PKIG: variants seen among roughly 807,000 people sequenced by gnomAD.
The protein encoded by PKIG is protein kinase (cAMP-dependent, catalytic) inhibitor gamma.
Under a neutral mutation model 6.8 loss-of-function variants are expected in PKIG, and 1 was observed. That is an observed-to-expected ratio of 0.15 (90% confidence interval 0.05 to 0.69). PKIG has a LOEUF of 0.69. PKIG is among the 30% of genes least tolerant of loss of function. PKIG has a pLI of 0.82. For missense variants in PKIG, 77 were observed against 104.0 expected (o/e 0.74, Z 1.13); for synonymous variants, 39 against 43.0 (o/e 0.91, Z 0.36).
intron 1 of PKIG, among the ~76,000 whole-genome samples, chr20:44,566,354 G>T (rs547508605): frequency 1.3e-5 from 2 of 152,074 alleles, no homozygotes; most frequent in South Asian, 2.1e-4. Context: ...TTTACTAGCC[G>T]CTGTTGTAAT....
At chr20:44,611,052 C>CTTTT (rs537375490) in intron 2 of PKIG, among the ~76,000 whole-genome samples, 2 of 132,882 alleles carry the variant, frequency 1.5e-5, no homozygotes, top group Non-Finnish European at 3.2e-5. Context: ...TATAGAATGC[C>CTTTT]TTTTTTTTTT....
intron 2 of PKIG, among the ~76,000 whole-genome samples, chr20:44,602,573 C>T (rs997169247): frequency 6.6e-6 from 1 of 151,916 alleles, no homozygotes; most frequent in Non-Finnish European, 1.5e-5. Flanking sequence ...TGGCTCATGC[C>T]TGTAATCCCA....
intron 1 of PKIG, among the ~76,000 whole-genome samples, chr20:44,574,382 G>A (rs748023213): frequency 6.6e-6 from 1 of 151,830 alleles, no homozygotes; most frequent in Non-Finnish European, 1.5e-5. Context: ...TTTGAAACAT[G>A]TACAAAACTA....
chr20:44,567,942 T>C (rs1430125946), intron 1 of PKIG, among the ~76,000 whole-genome samples: 2 of 152,170 alleles, frequency 1.3e-5, no homozygotes, highest in African/African-American at 2.4e-5. Flanking sequence ...GCCCAGGTGT[T>C]TGAGATCAGC....
intron 1 of PKIG, among the ~76,000 whole-genome samples, chr20:44,540,461 T>C (rs1024697079): frequency 6.6e-6 from 1 of 152,232 alleles, no homozygotes; most frequent in African/African-American, 2.4e-5. Flanking sequence ...TTAATTACGT[T>C]ATCCCAATGA....
At chr20:44,541,333 G>T (rs554058366) in intron 1 of PKIG, among the ~76,000 whole-genome samples, 1 of 152,222 alleles carries the variant, frequency 6.6e-6, no homozygotes, top group Non-Finnish European at 1.5e-5. Flanking sequence ...TGTCACCCAG[G>T]CTGGAGTTAC....
chr20:44,591,603 G>A (rs569506252), intron 2 of PKIG, among the ~76,000 whole-genome samples: 2 of 148,288 alleles, frequency 1.3e-5, no homozygotes, highest in East Asian at 4.0e-4. Context: ...AAAAGAGGAA[G>A]TGGTGCTGGG....
At chr20:44,536,099 G>A (rs960367560) in intron 1 of PKIG, among the ~76,000 whole-genome samples, 1 of 152,200 alleles carries the variant, frequency 6.6e-6, no homozygotes, top group African/African-American at 2.4e-5. Context: ...CACTAGCATA[G>A]TGTCCTCAAG....
At chr20:44,576,364 TAAG>T (rs1359047169) in intron 1 of PKIG, among the ~76,000 whole-genome samples, 2 of 152,058 alleles carry the variant, frequency 1.3e-5, no homozygotes, top group Non-Finnish European at 2.9e-5. Flanking sequence ...TTAAGGGTTA[TAAG>T]AAGAGACATA....
chr20:44,537,613 T>C (rs1304558956), intron 1 of PKIG, among the ~76,000 whole-genome samples: 6 of 151,848 alleles, frequency 4.0e-5, no homozygotes, highest in Non-Finnish European at 7.4e-5. Flanking sequence ...AGTCTCACTC[T>C]GTCCCTCAGG....
At chr20:44,553,675 TA>T (rs1477229239) in intron 1 of PKIG, among the ~76,000 whole-genome samples, 2 of 152,180 alleles carry the variant, frequency 1.3e-5, no homozygotes, top group Non-Finnish European at 2.9e-5. Flanking sequence ...AATAAAAACA[TA>T]GTGCCTGCTG....
intron 2 of PKIG, among the ~76,000 whole-genome samples, chr20:44,606,944 C>G (rs1431440551): frequency 6.6e-6 from 1 of 152,254 alleles, no homozygotes; most frequent in Non-Finnish European, 1.5e-5. Flanking sequence ...GCGCCTTGAT[C>G]TTGGACTTCC....
intron 2 of PKIG, among the ~76,000 whole-genome samples, chr20:44,607,378 T>TATA (rs1491536225): frequency 8.7e-4 from 78 of 89,926 alleles, no homozygotes; most frequent in Middle Eastern, 5.1e-3. Flanking sequence ...TATATATATA[T>TATA]TTTTTTTTTT....
At chr20:44,577,481 C>T (rs1413544603) in intron 1 of PKIG, among the ~76,000 whole-genome samples, 1 of 152,188 alleles carries the variant, frequency 6.6e-6, no homozygotes, top group African/African-American at 2.4e-5. Flanking sequence ...TGGGGCCTTA[C>T]ACCAGGATTG....
intron 1 of PKIG, among the ~76,000 whole-genome samples, chr20:44,553,407 G>A (rs1024232803): frequency 6.6e-6 from 1 of 152,072 alleles, no homozygotes; most frequent in Non-Finnish European, 1.5e-5. Flanking sequence ...CTTTGAAAAT[G>A]GTTGCCTTAA....
upstream of PKIG, among the ~76,000 whole-genome samples, chr20:44,578,521 T>G (rs1317295772): frequency 6.6e-6 from 1 of 151,984 alleles, no homozygotes; most frequent in Non-Finnish European, 1.5e-5. Flanking sequence ...TGCCTGGCCC[T>G]GGTTGTTTAA....
intron 1 of PKIG, among the ~76,000 whole-genome samples, chr20:44,538,012 C>T (rs1373277097): frequency 1.3e-5 from 2 of 152,062 alleles, no homozygotes; most frequent in Admixed American, 6.6e-5. Flanking sequence ...TAAAATTTTT[C>T]ACATTTTACT....
chr20:44,567,633 G>A (rs1004041086), intron 1 of PKIG, among the ~76,000 whole-genome samples: 7 of 152,074 alleles, frequency 4.6e-5, no homozygotes, highest in African/African-American at 1.2e-4. Flanking sequence ...TACCTTCAAC[G>A]GCTTTTCTAG....
rs188938132 is a variant in PKIG, at chr20:44,538,308, G to T, written c.-241+6330G>T. Among the ~76,000 whole-genome samples the T allele has an allele frequency of 1.9e-3, 292 of 152,222 alleles. 3 individuals are homozygous for T. Among genetic ancestry groups the T allele is most frequent in the Non-Finnish European group, 2.2e-3 (147 of 68,018 alleles). On this transcript the variant is annotated intron_variant, in intron 1 of 4. Transcript: ENST00000372887. ...TTTAGTCCTCCTAACAATTCTGTGGGGTAGGGATTATCATTCCCATTTTCA... is the reference window on the plus strand; with the variant it reads ...TTTAGTCCTCCTAACAATTCTGTGGTGTAGGGATTATCATTCCCATTTTCA...
Sources: allele counts gnomAD v4.1 joint callset (sites outside exome capture counted in the v4.1 genomes callset), GRCh38; gene constraint gnomAD v4.1.1; transcripts MANE v1.5; gene names NCBI Gene and HGNC (gene_info 2026-07-23, HGNC 2026-07-21).